Variants in AFF3 observed in about 807,000 individuals in gnomAD.
AFF3 encodes ALF transcription elongation factor 3.
In AFF3, 32 loss-of-function variants were observed where a neutral mutation model predicts 129.7. That is an observed-to-expected ratio of 0.25 (90% confidence interval 0.19 to 0.33). AFF3 has a LOEUF of 0.33. AFF3 is among the 10% of genes least tolerant of loss of function. The probability of loss-of-function intolerance (pLI) is 1.00; values close to 1 mark genes in which losing one functional copy is unlikely to be tolerated. For synonymous variants in AFF3, 644 were observed against 635.4 expected, an observed-to-expected ratio of 1.01 and a Z score of -0.20; for missense variants, 1,373 against 1,592.0, an observed-to-expected ratio of 0.86 and a Z score of 2.34.
intron 7 of AFF3, among the ~76,000 whole-genome samples, chr2:99,912,032 G>T (rs11123803): frequency 0.012 from 1,814 of 152,290 alleles, 39 homozygotes; most frequent in African/African-American, 0.041. Flanking sequence ...CCAAGCCTCT[G>T]AAACAGGATT....
chr2:99,773,128 A>C (rs1219423720), intron 8 of AFF3, among the ~76,000 whole-genome samples: 1 of 152,190 alleles, frequency 6.6e-6, no homozygotes, highest in African/African-American at 2.4e-5. Context: ...CACACTGTTC[A>C]GGAAACACCT....
chr2:100,104,878 C>A, intron 3 of AFF3: 2 of 340,510 alleles, frequency 5.9e-6, no homozygotes, highest in Non-Finnish European at 8.1e-6. Flanking sequence ...CGCGTGTGCG[C>A]GGGCGAGGCC....
chr2:100,042,383 T>C (rs562153159), intron 4 of AFF3, among the ~76,000 whole-genome samples: 20 of 152,328 alleles, frequency 1.3e-4, no homozygotes, highest in African/African-American at 4.1e-4. Context: ...TTGTTTTTTT[T>C]CTGATTATCC....
At chr2:99,919,461 T>C (rs1695709660) in intron 7 of AFF3, among the ~76,000 whole-genome samples, 2 of 152,112 alleles carry the variant, frequency 1.3e-5, no homozygotes, top group Admixed American at 1.3e-4. Flanking sequence ...GCAGCTGCCA[T>C]TAAGAGCAGA....
Position 99,558,919 on chromosome 2 carries a change from C to G in AFF3, c.3241G>C (p.Asp1081His). Reference protein sequence around the residue: ...LYWRMFRLKRDHAVKYSKALI... With the variant: ...LYWRMFRLKRHHAVKYSKALI... ...GCTTTTGAATACTTTACAGCGTGGT[C>G]CCTTTTGAGTCGAAACATCCGCCAG... is the stretch of plus-strand genomic sequence containing the variant. Residue 1081 changes from aspartate to histidine, a missense_variant, in exon 22 of 25, where the codon GAC becomes CAC. Coordinates refer to ENST00000672756, the MANE Select transcript of AFF3 (RefSeq NM_001386135.1). The G allele has an allele frequency of 6.2e-7, 1 of 1,614,152 alleles. No homozygotes were observed. Among genetic ancestry groups the G allele is most frequent in the Non-Finnish European group, 8.5e-7 (1 of 1,180,022 alleles).
At chr2:99,623,909 G>C (rs1347602129) in intron 13 of AFF3, among the ~76,000 whole-genome samples, 1 of 152,240 alleles carries the variant, frequency 6.6e-6, no homozygotes, top group Non-Finnish European at 1.5e-5. Flanking sequence ...TCTGAGCCCA[G>C]GCAGATGCTC....
rs185584365 is a variant in AFF3, at chr2:99,749,988, A to G, written c.1002+2233T>C. ...TAACTTACTGACCATTGAAAAGAAGAAAACAAGAATCCTACATCGTAACAT... is the reference window on the plus strand; with the variant it reads ...TAACTTACTGACCATTGAAAAGAAGGAAACAAGAATCCTACATCGTAACAT... On this transcript the variant is annotated intron_variant, in intron 9 of 24. Coordinates refer to ENST00000672756, the MANE Select transcript of AFF3 (RefSeq NM_001386135.1). 4.9e-3 allele frequency among the ~76,000 whole-genome samples: 742 copies of G among 152,338 alleles called. 1 individual carries two copies. Among genetic ancestry groups the G allele is most frequent in the African/African-American group, 0.017 (712 of 41,562 alleles).
chr2:99,816,348 C>T (rs1687232253), intron 8 of AFF3, among the ~76,000 whole-genome samples: 1 of 152,178 alleles, frequency 6.6e-6, no homozygotes, highest in Non-Finnish European at 1.5e-5. Context: ...TCTAATTCTA[C>T]TTCTGATGAC....
intron 13 of AFF3, among the ~76,000 whole-genome samples, chr2:99,617,263 A>T (rs1681530831): frequency 6.6e-6 from 1 of 152,220 alleles, no homozygotes; most frequent in African/African-American, 2.4e-5. Context: ...ACCACTTTGC[A>T]TTCCCACCAG....
At chr2:99,962,846 A>G (rs1677360545) in intron 7 of AFF3, among the ~76,000 whole-genome samples, 1 of 137,630 alleles carries the variant, frequency 7.3e-6, no homozygotes, top group Non-Finnish European at 1.5e-5. Context: ...ATGAAAGAGT[A>G]TTCAAATAAT....
chr2:100,074,823 A>G (rs1039409163), intron 4 of AFF3, among the ~76,000 whole-genome samples: 2 of 152,208 alleles, frequency 1.3e-5, no homozygotes, highest in Non-Finnish European at 2.9e-5. Context: ...ATTTATGCCA[A>G]TAACACAAAC....
chr2:99,649,649 C>G lies in AFF3; in HGVS notation c.1161G>C (p.Thr387=). The change falls in exon 13 of 25, where the codon ACG becomes ACC. Residue 387 remains threonine (T), a synonymous_variant. Coordinates refer to ENST00000672756, the MANE Select transcript of AFF3 (RefSeq NM_001386135.1). ...ACCTGTCAGAGAGAGCGCGGAGAGC[C>G]GTTCTCTGAGCTGCCTGCTGGAAGA... ...EENEQQAAQR[T]ALRALSDSAV... The G allele has an allele frequency of 6.2e-7, 1 of 1,614,052 alleles. No homozygotes were observed. The highest frequency in any genetic ancestry group is 8.5e-7 in the Non-Finnish European group (1 of 1,179,986).
At position 100,009,054 on chromosome 2, in the gene AFF3, T is replaced by C. The variant is rs971978413; in HGVS notation, c.54-122A>G. On this transcript the variant is annotated intron_variant, in intron 4 of 24. Transcript: ENST00000672756. ...ACAAATGGTGATGACAACAAGAACA[T>C]GGATGAGACAAAAGCCAGAGTCATC... is the stretch of plus-strand genomic sequence containing the variant. The C allele has an allele frequency of 3.5e-5, 46 of 1,330,000 alleles. No individual in the cohort carries two copies. In the African/African-American group the frequency reaches 5.5e-4, roughly 16 times the overall value. The allele number at this position is 1,330,000 out of a possible 1,614,324, so 82.4% of individuals were successfully genotyped here. A position where few individuals can be genotyped will look rare whatever the true frequency, so the allele number is the denominator to read the frequency against.
At chr2:99,685,652 C>T (rs1558745724) in intron 11 of AFF3, among the ~76,000 whole-genome samples, 1 of 152,208 alleles carries the variant, frequency 6.6e-6, no homozygotes, top group Non-Finnish European at 1.5e-5. Context: ...ATCTATTTCT[C>T]TTTCAGCTGG....
chr2:100,036,145 A>C (rs1573204467), intron 4 of AFF3, among the ~76,000 whole-genome samples: 2 of 149,940 alleles, frequency 1.3e-5, no homozygotes, highest in Admixed American at 6.6e-5. Context: ...AAAAAAAAAA[A>C]AAAAAAAAAA....
At chr2:99,996,608 C>T (rs1052879410) in intron 7 of AFF3, among the ~76,000 whole-genome samples, 52 of 148,666 alleles carry the variant, frequency 3.5e-4, no homozygotes, top group African/African-American at 1.3e-3. Context: ...TCTCGATCTC[C>T]TGACCTTGTG....
chr2:99,827,405 T>TG (rs1415747532), intron 8 of AFF3, among the ~76,000 whole-genome samples: 1 of 152,106 alleles, frequency 6.6e-6, no homozygotes, highest in Non-Finnish European at 1.5e-5. Context: ...CATTTTCACG[T>TG]GGATCCTGCA....
At chr2:99,774,260 AAG>A (rs1162249455) in intron 8 of AFF3, among the ~76,000 whole-genome samples, 1 of 152,234 alleles carries the variant, frequency 6.6e-6, no homozygotes, top group African/African-American at 2.4e-5. Context: ...GGAACCAAAA[AAG>A]AGCCCAAATA....
chr2:100,058,561 G>A (rs1028837185), intron 4 of AFF3, among the ~76,000 whole-genome samples: 4 of 152,238 alleles, frequency 2.6e-5, no homozygotes, highest in African/African-American at 7.2e-5. Flanking sequence ...CTCAGTATCC[G>A]AAGTCTTTCT....
Sources: gnomAD v4.1 joint callset for allele counts (sites outside exome capture counted in the v4.1 genomes callset) on GRCh38, gnomAD v4.1.1 for gene constraint, MANE v1.5 for transcripts, NCBI Gene and HGNC (gene_info 2026-07-23, HGNC 2026-07-21) for gene names.